Variants in ADAMTSL4 observed in about 807,000 individuals in gnomAD.
ADAMTSL4 encodes the protein ADAMTS like 4.
Under a neutral mutation model 122.8 loss-of-function variants are expected in ADAMTSL4, and 97 were observed. The ratio of observed to expected loss-of-function variants is 0.79; its 90% CI spans 0.67 to 0.93. The LOEUF is 0.93. Among genes scored for constraint, ADAMTSL4 ranks in the 40% least tolerant of loss-of-function variants. ADAMTSL4 has a pLI of 0.00. For missense variants in ADAMTSL4, 1,408 were observed against 1,453.5 expected (o/e 0.97, Z 0.51); for synonymous variants, 592 against 568.0 (o/e 1.04, Z -0.60).
chr1:150,558,930 C>G (rs760358950), intron 15 of ADAMTSL4, 32 bp from the exon 16 acceptor site: 2 of 1,576,468 alleles, frequency 1.3e-6, no homozygotes, highest in African/African-American at 2.7e-5. Context: ...CACCAGCAGG[C>G]CCCTCACACA....
At chr1:150,557,085 G>A (rs1413647144) in intron 11 of ADAMTSL4, 35 bp downstream of exon 11, 1 of 1,612,810 alleles carries the variant, frequency 6.2e-7, no homozygotes. Flanking sequence ...GAAGGAGGAG[G>A]GAGAGGCTGC....
chr1:150,549,937 T>G lies in ADAMTSL4; in HGVS notation c.-85+42T>G. The stretch of plus-strand genomic sequence containing the variant: ...CAGCTCAGCCCGATGGCAGAAGAGG[T>G]TGACAAAAAAGAAAGACACCTGTTG... On this transcript the variant is annotated intron_variant, in intron 2 of 18. Coordinates refer to ENST00000271643, the MANE Select transcript of ADAMTSL4 (RefSeq NM_019032.6). The surrounding 1 kb of genome is among the most constrained non-coding windows in gnomAD (Gnocchi z 5.0). 2 of 232,494 alleles carry G rather than the reference T, an allele frequency of 8.6e-6. No individual in the cohort carries two copies. Among genetic ancestry groups the G allele is most frequent in the East Asian group, 1.2e-4 (1 of 8,434 alleles). 14.4% of individuals were successfully genotyped at this position (232,494 alleles called of 1,614,324 possible). A position where few individuals can be genotyped will look rare whatever the true frequency, so the allele number is the denominator to read the frequency against.
chr1:150,555,672 T>TGCAAGCACATACACACAC, intron 8 of ADAMTSL4, 107 bp downstream of exon 8: 1 of 1,502,274 alleles, frequency 6.7e-7, no homozygotes, highest in Non-Finnish European at 9.1e-7. Flanking sequence ...CATGCACACA[T>TGCAAGCACATACACACAC]GCAAGCACAT....
In ADAMTSL4 at chr1:150,557,299, G is replaced by A; in HGVS notation, c.2011G>A (p.Val671Met). 1.2e-6 allele frequency: 2 copies of A among 1,612,390 alleles called. No individual in the cohort carries two copies. The highest frequency in any genetic ancestry group is 1.7e-6 in the Non-Finnish European group (2 of 1,179,646). ...GTCTCCAGCTGCGTACTGGAAACGA[G>A]TGGGACACTCTGCATGCTCAGCGTC... The part of the protein sequence containing the change: ...LGSPAAYWKR[V>M]GHSACSASCG... Residue 671 changes from valine to methionine, a missense_variant, in exon 12 of 19, where the codon GTG becomes ATG. Transcript: ENST00000271643.
Position 150,558,665 on chromosome 1 carries a change from C to T in ADAMTSL4, c.2559+16C>T. On this transcript the variant is annotated intron_variant, in intron 15 of 18. Coordinates refer to ENST00000271643, the MANE Select transcript of ADAMTSL4 (RefSeq NM_019032.6). Reference sequence around the variant, plus strand: ...GAGCTCCAAGGTGAGCCCGGAACCCCCAGCCATATCCTGCATCCTGGGTAA... The same window carrying T: ...GAGCTCCAAGGTGAGCCCGGAACCCTCAGCCATATCCTGCATCCTGGGTAA... 1 of 1,613,990 alleles carries T rather than the reference C, an allele frequency of 6.2e-7. No homozygotes were observed. Among genetic ancestry groups the T allele is most frequent in the Non-Finnish European group, 8.5e-7 (1 of 1,180,006 alleles).
Position 150,556,694 on chromosome 1 carries a change from C to T in ADAMTSL4, c.1650C>T (p.Ala550=), listed in dbSNP as rs144197372. ...WAVDPPGSYR[A]GGTVFRYNRP... is the part of the protein sequence containing the mutation. Reference sequence around the variant, plus strand: ...TGGATCCCCCTGGGTCCTACAGGGCCGGCGGGACCGTCTTTCGATATAACC... The same window carrying T: ...TGGATCCCCCTGGGTCCTACAGGGCTGGCGGGACCGTCTTTCGATATAACC... The change falls in exon 10 of 19, where the codon GCC becomes GCT. Residue 550 remains alanine, a synonymous_variant. Transcript: ENST00000271643. The surrounding 1 kb of genome is among the most constrained non-coding windows in gnomAD (Gnocchi z 4.1). 32 of 1,613,970 alleles carry T rather than the reference C, an allele frequency of 2.0e-5. No individual in the cohort carries two copies. The highest frequency in any genetic ancestry group is 5.5e-5 in the South Asian group (5 of 91,072).
In ADAMTSL4 at chr1:150,558,053, C is replaced by T; in HGVS notation, c.2286C>T (p.Pro762=). 2 of 1,613,054 alleles carry T rather than the reference C, an allele frequency of 1.2e-6. No individual in the cohort carries two copies. Among genetic ancestry groups the T allele is most frequent in the East Asian group, 2.2e-5 (1 of 44,886 alleles). Residue 762 remains proline (P), a synonymous_variant, in exon 14 of 19, where the codon CCC becomes CCT. Coordinates refer to ENST00000271643, the MANE Select transcript of ADAMTSL4 (RefSeq NM_019032.6). The part of the protein sequence containing the change: ...QEFGGGGSSV[P]PERCGHLPRP... ...TTGGGGGGGGTGGCTCCTCGGTGCC[C>T]CCGGAGCGCTGTGGACATCTCCCCC... is the stretch of plus-strand genomic sequence containing the variant.
Position 150,552,053 on chromosome 1 carries a change from A to C in ADAMTSL4, c.-84-152A>C. 1 of 583,126 alleles carries C rather than the reference A, an allele frequency of 1.7e-6. No individual in the cohort carries two copies. The highest frequency in any genetic ancestry group is 3.1e-6 in the Non-Finnish European group (1 of 325,536). The allele number at this position is 583,126 out of a possible 1,614,324, so 36.1% of individuals were successfully genotyped here. A position where few individuals can be genotyped will look rare whatever the true frequency, so the allele number is the denominator to read the frequency against. ...GCCCCTGACCATGTAGCCTCTACAG[A>C]TGGACAAGGCAGTGATCCTCCCTGC... On this transcript the variant is annotated intron_variant, in intron 2 of 18. Transcript: ENST00000271643. The surrounding 1 kb of genome is among the most constrained non-coding windows in gnomAD (Gnocchi z 4.0).
At chr1:150,557,900 C>A (rs776422227) in intron 13 of ADAMTSL4, 45 bp from the exon 14 acceptor site, 1 of 1,580,960 alleles carries the variant, frequency 6.3e-7, no homozygotes, top group African/African-American at 1.3e-5. Flanking sequence ...CCCCACACAT[C>A]TCATCTATGT....
At chr1:150,551,331 C>A (rs1570915226) in intron 2 of ADAMTSL4, 1 of 322,328 alleles carries the variant, frequency 3.1e-6, no homozygotes, top group Admixed American at 4.0e-5. Context: ...AGAGATTAAA[C>A]CGTCAACCCA....
chr1:150,557,151 G>A lies in ADAMTSL4; in HGVS notation c.1863G>A (p.Glu621=), dbSNP rs758641874. The change falls in exon 12 of 19, where the codon GAG becomes GAA. Residue 621 remains glutamate (E), a splice_region_variant and synonymous_variant. Transcript: ENST00000271643. Reference sequence around the variant, plus strand: ...TGATTCGCCTGCTCCCCTGCACAGAGATTCTGAGGGTGGAGCCCCCACTTG... The same window carrying A: ...TGATTCGCCTGCTCCCCTGCACAGAAATTCTGAGGGTGGAGCCCCCACTTG... ...PEPPVPQLQP[E]ILRVEPPLAP... is the part of the protein sequence containing the mutation. 2 of 1,612,236 alleles carry A rather than the reference G, an allele frequency of 1.2e-6. No individual in the cohort carries two copies. Among genetic ancestry groups the A allele is most frequent in the Admixed American group, 3.3e-5 (2 of 59,992 alleles).
In ADAMTSL4 at chr1:150,556,488, GGAGT is replaced by G. The variant is rs1159529946; in HGVS notation, c.1576+126_1577-126del. 6.4e-7 allele frequency: 1 copy of G among 1,566,274 alleles called. No individual in the cohort carries two copies. Among genetic ancestry groups the G allele is most frequent in the Non-Finnish European group, 8.8e-7 (1 of 1,141,818 alleles). Reference sequence around the variant, plus strand: ...GGGCCTAGCCCCTCCCCTCGTGGAAGGAGTGAGGAAGCTGAGAGGGCTTGGGGGG... The same window carrying G: ...GGGCCTAGCCCCTCCCCTCGTGGAAGGAGGAAGCTGAGAGGGCTTGGGGGG... On this transcript the variant is annotated intron_variant, in intron 9 of 18. Coordinates refer to ENST00000271643, the MANE Select transcript of ADAMTSL4 (RefSeq NM_019032.6). The surrounding 1 kb of genome is among the most constrained non-coding windows in gnomAD (Gnocchi z 4.1).
At position 150,553,170 on chromosome 1, in the gene ADAMTSL4, G is replaced by A; in HGVS notation, c.351G>A (p.Gln117=). The change falls in exon 5 of 19, where the codon CAG becomes CAA. Residue 117 remains glutamine (Q), a synonymous_variant. Coordinates refer to ENST00000271643, the MANE Select transcript of ADAMTSL4 (RefSeq NM_019032.6). ...SPETLPLYRT[Q]SRGRGGPLRG... Reference sequence around the variant, plus strand: ...AAACCCTCCCCTTGTACAGGACACAGTCTCGGGGAAGGGGTGGCCCACTTC... The same window carrying A: ...AAACCCTCCCCTTGTACAGGACACAATCTCGGGGAAGGGGTGGCCCACTTC... The A allele has an allele frequency of 6.2e-7, 1 of 1,611,408 alleles. No individual in the cohort carries two copies. Among genetic ancestry groups the A allele is most frequent in the Non-Finnish European group, 8.5e-7 (1 of 1,178,714 alleles).
chr1:150,559,133 A>T lies in ADAMTSL4; in HGVS notation c.2731A>T (p.Thr911Ser), dbSNP rs1254139111. Reference protein sequence around the residue: ...RACSLGPCERTWRWYTGPWGE... With the variant: ...RACSLGPCERSWRWYTGPWGE... ...CTGCAGCCTGGGGCCCTGTGAGAGA[A>T]CTTGGCGCTGGTACACAGGGCCCTG... The change falls in exon 16 of 19, where the codon ACT (threonine) becomes TCT (serine). Residue 911 changes from threonine (T) to serine (S), a missense_variant. Coordinates refer to ENST00000271643, the MANE Select transcript of ADAMTSL4 (RefSeq NM_019032.6). This position sits in a 1 kb window ranked among gnomAD's most constrained non-coding sequence, Gnocchi z 4.1. 6.2e-7 allele frequency: 1 copy of T among 1,612,648 alleles called. No individual in the cohort carries two copies. Among genetic ancestry groups the T allele is most frequent in the Non-Finnish European group, 8.5e-7 (1 of 1,179,830 alleles).
In ADAMTSL4 at chr1:150,558,663, C is replaced by T. The variant is rs762527760; in HGVS notation, c.2559+14C>T. 8 of 1,613,966 alleles carry T rather than the reference C, an allele frequency of 5.0e-6. No homozygotes were observed. The highest frequency in any genetic ancestry group is 6.8e-6 in the Non-Finnish European group (8 of 1,180,002). On this transcript the variant is annotated intron_variant, in intron 15 of 18. Coordinates refer to ENST00000271643, the MANE Select transcript of ADAMTSL4 (RefSeq NM_019032.6). ...TGGAGCTCCAAGGTGAGCCCGGAACCCCCAGCCATATCCTGCATCCTGGGT... is the reference window on the plus strand; with the variant it reads ...TGGAGCTCCAAGGTGAGCCCGGAACTCCCAGCCATATCCTGCATCCTGGGT...
In ADAMTSL4 at chr1:150,554,484, ACC is replaced by A. The variant is rs1185188883; in HGVS notation, c.1234+20_1234+21del. The A allele has an allele frequency of 1.2e-6, 2 of 1,613,474 alleles. No individual in the cohort carries two copies. The highest frequency in any genetic ancestry group is 3.3e-5 in the Admixed American group (2 of 59,944). On this transcript the variant is annotated intron_variant, in intron 7 of 18. Transcript: ENST00000271643. This position sits in a 1 kb window ranked among gnomAD's most constrained non-coding sequence, Gnocchi z 4.0. ...TCACTGAAGGTGAGGTTTCTTGCTC[ACC>A]CCTGGGCAGTGGTGGCTTGGAATTG... is the stretch of plus-strand genomic sequence containing the variant.
chr1:150,558,945 G>A lies in ADAMTSL4; in HGVS notation c.2560-17G>A, dbSNP rs199685875. ...CACCAGCAGGCCCCTCACACAGGCC[G>A]CTCTCCTCCTCCGCAGTGCTCAGCC... On this transcript the variant is annotated splice_polypyrimidine_tract_variant and intron_variant, in intron 15 of 18. Transcript: ENST00000271643. The A allele has an allele frequency of 9.8e-4, 1,559 of 1,593,072 alleles. 5 individuals are homozygous for A. Among genetic ancestry groups the A allele is most frequent in the South Asian group, 1.6e-3 (142 of 88,300 alleles).
In ADAMTSL4 at chr1:150,558,483, G is replaced by A. The variant is rs373621869; in HGVS notation, c.2393G>A (p.Arg798Gln). ...CCCTCGCCCCCTCAGTGCTCCGTGC[G>A]GTGCGGCCGGGGCCAGAGAAGCCGG... ...VGSPWSQCSV[R>Q]CGRGQRSRQV... The change falls in exon 15 of 19, where the codon CGG becomes CAG. Residue 798 changes from arginine (R) to glutamine (Q), a missense_variant. Transcript: ENST00000271643. The A allele has an allele frequency of 3.2e-5, 51 of 1,613,480 alleles. No individual in the cohort carries two copies. The highest frequency in any genetic ancestry group is 5.3e-5 in the African/African-American group (4 of 74,914).
rs1672114679 is a variant in ADAMTSL4, at chr1:150,556,339, CAGCTCCGGCCT to C, written c.1556_1566del (p.Arg519GlnfsTer36). On this transcript the variant is annotated frameshift_variant, in exon 9 of 19. Coordinates refer to ENST00000271643, the MANE Select transcript of ADAMTSL4 (RefSeq NM_019032.6). LOFTEE classifies it high-confidence loss of function. The surrounding 1 kb of genome is among the most constrained non-coding windows in gnomAD (Gnocchi z 4.1). ...GGGAGCCTTGCGGCTCCAGATTGCC[CAGCTCCGGCCT>C]AGCTCCAACTACCTGGGTGAGCACC... 3 of 1,614,070 alleles carry C rather than the reference CAGCTCCGGCCT, an allele frequency of 1.9e-6. No homozygotes were observed. The highest frequency in any genetic ancestry group is 3.3e-5 in the Admixed American group (2 of 60,028).
Sources: gnomAD v4.1 joint callset for allele counts on GRCh38, gnomAD v4.1.1 for gene constraint, Gnocchi (gnomAD v3.1) non-coding constraint, MANE v1.5 for transcripts, NCBI Gene and HGNC (gene_info 2026-07-23, HGNC 2026-07-21) for gene names.